SOX5: variants seen among roughly 807,000 people sequenced by gnomAD.
SOX5 encodes the protein transcription factor SOX-5.
Under a neutral mutation model 92.0 loss-of-function variants are expected in SOX5, and 9 were observed. The ratio of observed to expected loss-of-function variants is 0.10; its 90% CI spans 0.06 to 0.17. The LOEUF (loss-of-function observed/expected upper bound fraction) is 0.17. Among genes scored for constraint, SOX5 ranks in the 10% least tolerant of loss-of-function variants. The pLI is 1.00. For synonymous variants in SOX5, 344 were observed against 336.3 expected (o/e 1.02, Z -0.25); for missense variants, 642 against 944.5 (o/e 0.68, Z 4.20).
chr12:24,531,477 GACTAT>G (rs1324127777), intron 1 of SOX5, among the ~76,000 whole-genome samples: 1 of 152,048 alleles, frequency 6.6e-6, no homozygotes, highest in Admixed American at 6.6e-5. Flanking sequence ...TTGTGATTAT[GACTAT>G]ACTATATATA....
intron 7 of SOX5, among the ~76,000 whole-genome samples, chr12:23,653,121 C>T (rs771039819): frequency 2.6e-5 from 4 of 151,744 alleles, no homozygotes; most frequent in African/African-American, 4.8e-5. Flanking sequence ...TCAGACCTTT[C>T]GTGGTTTTCT....
At chr12:24,038,066 T>C (rs1238731256) in intron 4 of SOX5, among the ~76,000 whole-genome samples, 1 of 152,158 alleles carries the variant, frequency 6.6e-6, no homozygotes, top group East Asian at 1.9e-4. Flanking sequence ...GAAACCAAGA[T>C]TTAAAATATG....
At chr12:24,549,855 T>G (rs956131893) in intron 1 of SOX5, among the ~76,000 whole-genome samples, 5 of 152,176 alleles carry the variant, frequency 3.3e-5, no homozygotes, top group African/African-American at 1.2e-4. Flanking sequence ...TCAGGAGGAT[T>G]GGCCTGATAG....
At chr12:23,912,978 A>C (rs1364385789) in intron 1 of SOX5, among the ~76,000 whole-genome samples, 1 of 152,168 alleles carries the variant, frequency 6.6e-6, no homozygotes, top group Non-Finnish European at 1.5e-5. Context: ...TTAAGTGGGT[A>C]AATTTTATAG....
At chr12:23,626,241 T>C (rs1035806300) in intron 8 of SOX5, among the ~76,000 whole-genome samples, 3 of 152,162 alleles carry the variant, frequency 2.0e-5, no homozygotes, top group Admixed American at 6.5e-5. Flanking sequence ...TAGTTGGCTA[T>C]GCAGTTCAAA....
At chr12:24,119,500 CGTAATTAT>C (rs1335960589) in intron 4 of SOX5, among the ~76,000 whole-genome samples, 1 of 151,972 alleles carries the variant, frequency 6.6e-6, no homozygotes, top group Non-Finnish European at 1.5e-5. Flanking sequence ...ATACCTTAAA[CGTAATTAT>C]GTAAAGCCAT....
intron 6 of SOX5, among the ~76,000 whole-genome samples, chr12:23,712,257 G>A (rs927276054): frequency 2.0e-5 from 3 of 152,306 alleles, no homozygotes; most frequent in East Asian, 3.9e-4. Flanking sequence ...AGAGGGATAC[G>A]TAATTTCCCA....
chr12:24,401,708 T>TAAAAAAAAAAAAAAAAAAAAAAAA (rs71063321), intron 1 of SOX5, among the ~76,000 whole-genome samples: 1 of 99,460 alleles, frequency 1.0e-5, no homozygotes, highest in African/African-American at 3.9e-5. Context: ...ACCCTATCTT[T>TAAAAAAAAAAAAAAAAAAAAAAAA]AAAAAAAAAA....
At chr12:23,547,951 C>A (rs1023399131) in intron 11 of SOX5, among the ~76,000 whole-genome samples, 12 of 152,004 alleles carry the variant, frequency 7.9e-5, no homozygotes, top group African/African-American at 2.9e-4. Flanking sequence ...ATCAAGGACA[C>A]CAGCTTAACA....
chr12:24,027,908 C>T (rs746429361), intron 4 of SOX5, among the ~76,000 whole-genome samples: 30 of 151,938 alleles, frequency 2.0e-4, no homozygotes, highest in South Asian at 2.1e-4. Context: ...CACAAGTCCA[C>T]GAAAAACATC....
At chr12:23,994,703 A>C (rs947359781) in intron 4 of SOX5, among the ~76,000 whole-genome samples, 1 of 152,130 alleles carries the variant, frequency 6.6e-6, no homozygotes, top group African/African-American at 2.4e-5. Context: ...GAGAGCTCTA[A>C]ATTAAGAAAA....
chr12:24,068,702 GTGTATATATATATATATA>G (rs1171497258), intron 4 of SOX5, among the ~76,000 whole-genome samples: 2 of 53,028 alleles, frequency 3.8e-5, no homozygotes, highest in South Asian at 7.2e-4. Flanking sequence ...GTGTGTGTGT[GTGTATATATATATATATA>G]TATATATATA....
At chr12:23,789,920 C>T (rs1400074779) in intron 3 of SOX5, among the ~76,000 whole-genome samples, 1 of 152,116 alleles carries the variant, frequency 6.6e-6, no homozygotes, top group Non-Finnish European at 1.5e-5. Context: ...AAATGTAACA[C>T]TCCAGCTTTT....
chr12:24,508,341 G>A (rs1177966402), intron 1 of SOX5, among the ~76,000 whole-genome samples: 2 of 152,012 alleles, frequency 1.3e-5, no homozygotes, highest in Non-Finnish European at 2.9e-5. Flanking sequence ...ATAAGGTAGG[G>A]GGCCAGGAAT....
chr12:24,471,998 T>A (rs1221739417), intron 1 of SOX5, among the ~76,000 whole-genome samples: 1 of 152,226 alleles, frequency 6.6e-6, no homozygotes, highest in Non-Finnish European at 1.5e-5. Context: ...CAAACCATAC[T>A]CAATTTAGTG....
intron 4 of SOX5, among the ~76,000 whole-genome samples, chr12:23,981,239 T>C (rs967895372): frequency 6.6e-6 from 1 of 152,160 alleles, no homozygotes; most frequent in Non-Finnish European, 1.5e-5. Flanking sequence ...GTTCGTAGCC[T>C]TCATTTAGGG....
chr12:23,632,316 G>A (rs1277251396), intron 8 of SOX5: 2 of 152,142 alleles, frequency 1.3e-5, no homozygotes, highest in Non-Finnish European at 2.9e-5. Context: ...CGACTGAAAT[G>A]AAGAGCAGTT....
chr12:24,028,813 T>A (rs1034408695), intron 4 of SOX5, among the ~76,000 whole-genome samples: 2 of 152,008 alleles, frequency 1.3e-5, no homozygotes, highest in Non-Finnish European at 2.9e-5. Context: ...ATAATTACAA[T>A]TCAAACCATA....
At chr12:23,987,481 T>C (rs1201380637) in intron 4 of SOX5, among the ~76,000 whole-genome samples, 2 of 152,124 alleles carry the variant, frequency 1.3e-5, no homozygotes, top group Admixed American at 6.5e-5. Flanking sequence ...AAAGTGGTCT[T>C]AGAGAGGCAA....
Sources: gnomAD v4.1 joint callset for allele counts (sites outside exome capture counted in the v4.1 genomes callset) on GRCh38, gnomAD v4.1.1 for gene constraint, MANE v1.5 for transcripts, NCBI Gene and HGNC (gene_info 2026-07-23, HGNC 2026-07-21) for gene names.